ANK3: variants seen among roughly 807,000 people sequenced by gnomAD.
ANK3 encodes the protein ankyrin-3.
In ANK3, 57 loss-of-function variants were observed where a neutral mutation model predicts 370.9. The observed-to-expected ratio is 0.15, with a 90% CI of 0.12 to 0.19. ANK3 has a LOEUF of 0.19. Among genes scored for constraint, ANK3 ranks in the 10% least tolerant of loss-of-function variants. The pLI, the probability that ANK3 is intolerant of heterozygous loss-of-function variation, is 1.00. For missense variants in ANK3, 4,439 were observed against 5,302.1 expected, an observed-to-expected ratio of 0.84 and a Z score of 5.06; for synonymous variants, 1,929 against 1,946.3, an observed-to-expected ratio of 0.99 and a Z score of 0.23.
chr10:60,696,378 G>A (rs1204949012), intron 1 of ANK3, among the ~76,000 whole-genome samples: 5 of 149,336 alleles, frequency 3.3e-5, no homozygotes, highest in Non-Finnish European at 5.9e-5. Flanking sequence ...TAGAAAAAGA[G>A]GGAATCCTCC....
At chr10:60,536,533 T>C (rs2076729083) in intron 2 of ANK3, among the ~76,000 whole-genome samples, 1 of 152,084 alleles carries the variant, frequency 6.6e-6, no homozygotes, top group South Asian at 2.1e-4. Flanking sequence ...TAAAATAGTC[T>C]ACATGATCAA....
chr10:60,240,515 G>C (rs967525406), intron 7 of ANK3, among the ~76,000 whole-genome samples: 2 of 151,606 alleles, frequency 1.3e-5, no homozygotes. Context: ...TGTTGGTCAG[G>C]CTGGTCTGGA....
chr10:60,615,109 CTATGTT>C (rs1174637139), intron 2 of ANK3: 1 of 945,258 alleles, frequency 1.1e-6, no homozygotes, highest in African/African-American at 1.7e-5. Flanking sequence ...TCATTCAACT[CTATGTT>C]TATAATTGTA....
At chr10:60,150,434 T>C (rs1429191519) in intron 23 of ANK3, among the ~76,000 whole-genome samples, 1 of 152,194 alleles carries the variant, frequency 6.6e-6, no homozygotes, top group Non-Finnish European at 1.5e-5. Context: ...TCTTTAATAA[T>C]CTCCCTGTCT....
intron 7 of ANK3, among the ~76,000 whole-genome samples, chr10:60,260,723 A>G (rs1051814779): frequency 6.6e-6 from 1 of 151,670 alleles, no homozygotes; most frequent in Admixed American, 6.6e-5. Flanking sequence ...GTACAGCACC[A>G]CTCTTCTTGC....
At chr10:60,577,496 G>A (rs919553043) in intron 2 of ANK3, among the ~76,000 whole-genome samples, 9 of 152,060 alleles carry the variant, frequency 5.9e-5, no homozygotes, top group Non-Finnish European at 1.3e-4. Context: ...TTATGATAGT[G>A]AATAAGTCTC....
intron 2 of ANK3, among the ~76,000 whole-genome samples, chr10:60,517,307 T>C (rs10821784): frequency 0.24 from 36,033 of 151,926 alleles, 4,661 homozygotes; most frequent in East Asian, 0.47. Context: ...AGGTGATACA[T>C]GCACCTTGGC....
chr10:60,159,003 G>C (rs1317752142), intron 23 of ANK3, among the ~76,000 whole-genome samples: 1 of 151,920 alleles, frequency 6.6e-6, no homozygotes, highest in African/African-American at 2.4e-5. Context: ...TTTATACAAA[G>C]AAAGACAAGA....
At chr10:60,190,547 T>G (rs1284092494) in intron 16 of ANK3, among the ~76,000 whole-genome samples, 1 of 152,098 alleles carries the variant, frequency 6.6e-6, no homozygotes, top group African/African-American at 2.4e-5. Context: ...AAGTGGCCAG[T>G]GGGGTGTAAG....
chr10:60,073,633 C>T lies in ANK3; in HGVS notation c.7248G>A (p.Val2416=). The T allele has an allele frequency of 3.7e-6, 6 of 1,613,906 alleles. No homozygotes were observed. In the East Asian group the frequency reaches 1.3e-4, roughly 36 times the overall value. Residue 2416 remains valine, a synonymous_variant, in exon 37 of 44, where the codon GTG becomes GTA. Transcript: ENST00000280772. ...YLESSRVNTP[V]SQEEDSRPSS... ...TAGGGCGGCTATCTTCTTCTTGGGA[C>T]ACAGGAGTGTTTACTCTGGAAGACT...
At chr10:60,608,225 T>C (rs1308632410) in intron 2 of ANK3, among the ~76,000 whole-genome samples, 24 of 152,156 alleles carry the variant, frequency 1.6e-4, no homozygotes, top group Admixed American at 1.5e-3. Context: ...ACTCGGTAAA[T>C]GTTAGCTCCT....
At chr10:60,444,626 T>C (rs185462197) in intron 2 of ANK3, among the ~76,000 whole-genome samples, 29 of 152,208 alleles carry the variant, frequency 1.9e-4, no homozygotes, top group Admixed American at 5.9e-4. Flanking sequence ...ATCTCCACAG[T>C]GTTTGGAATT....
At position 60,042,674 on chromosome 10, in the gene ANK3, T is replaced by C. The variant is rs762754754; in HGVS notation, c.*17A>G. 1.9e-6 allele frequency: 3 copies of C among 1,613,946 alleles called. No homozygotes were observed. The highest frequency in any genetic ancestry group is 1.7e-6 in the Non-Finnish European group (2 of 1,179,880). ...TTGTTGATATGAACACACCTCACCT[T>C]GACTGACCGTTCGCTGTTACGAGTG... On this transcript the variant is annotated splice_region_variant and 3_prime_UTR_variant, in exon 43 of 44. Transcript: ENST00000280772.
intron 1 of ANK3, among the ~76,000 whole-genome samples, chr10:60,623,141 C>T (rs548863709): frequency 6.6e-6 from 1 of 152,258 alleles, no homozygotes; most frequent in South Asian, 2.1e-4. Flanking sequence ...CCCCATATTC[C>T]ATCCCTTCCA....
intron 1 of ANK3, among the ~76,000 whole-genome samples, chr10:60,308,183 G>C (rs1408506443): frequency 5.9e-5 from 9 of 151,520 alleles, no homozygotes; most frequent in African/African-American, 2.2e-4. Context: ...ATCTTCATTA[G>C]AACATATTCT....
At chr10:60,087,009 A>C (rs1432739255) in intron 29 of ANK3, 125 bp from the exon 30 acceptor site, 20 of 667,244 alleles carry the variant, frequency 3.0e-5, no homozygotes, top group South Asian at 2.3e-4. Context: ...AAAAAAAAAA[A>C]CCCAGGTCTT....
chr10:60,573,261 A>T (rs2077639199), intron 2 of ANK3, among the ~76,000 whole-genome samples: 1 of 151,994 alleles, frequency 6.6e-6, no homozygotes, highest in African/African-American at 2.4e-5. Flanking sequence ...AAAAGATGCC[A>T]ATCTTCACCT....
chr10:60,173,099 C>T lies in ANK3; in HGVS notation c.2272G>A (p.Ala758Thr), dbSNP rs2095838389. ...FLLQHSAKVN[A>T]KTKNGYTPLH... ...AGGAAGGAGCTTACCTTTGTTTTGG[C>T]ATTAACTTTTGCAGAATGCTGGAGC... The change falls in exon 19 of 44, where the codon GCC (alanine) becomes ACC (threonine). Residue 758 changes from alanine (A) to threonine (T), a missense_variant. Ala to Thr is a moderately conservative substitution (Grantham distance 58). This residue lies in a region of ANK3 where 702 missense variants were observed against 941.5 expected (regional missense o/e 0.75). Coordinates refer to ENST00000280772, the MANE Select transcript of ANK3 (RefSeq NM_020987.5). The T allele has an allele frequency of 6.2e-7, 1 of 1,613,756 alleles. No individual in the cohort carries two copies. The highest frequency in any genetic ancestry group is 8.5e-7 in the Non-Finnish European group (1 of 1,179,928).
At chr10:60,187,539 G>A (rs2096376472) in intron 16 of ANK3, among the ~76,000 whole-genome samples, 1 of 152,170 alleles carries the variant, frequency 6.6e-6, no homozygotes, top group Admixed American at 6.5e-5. Context: ...AGGAAATTAT[G>A]TTACAACATG....
Sources: gnomAD v4.1 joint callset for allele counts (sites outside exome capture counted in the v4.1 genomes callset) on GRCh38, gnomAD v4.1.1 for gene constraint, gnomAD v4.1.1 regional missense constraint, MANE v1.5 for transcripts, NCBI Gene and HGNC (gene_info 2026-07-23, HGNC 2026-07-21) for gene names.